Variants in HSDL2 observed in about 807,000 individuals in gnomAD.
HSDL2 encodes the protein hydroxysteroid dehydrogenase-like protein 2.
HSDL2 carries 27 observed loss-of-function variants against 46.3 expected under a neutral mutation model. The observed-to-expected ratio is 0.58, with a 90% CI of 0.43 to 0.80. The LOEUF is 0.80. Ranked by LOEUF, HSDL2 falls within the 30% of genes least tolerant of loss-of-function variation. HSDL2 has a pLI of 0.00. For missense variants in HSDL2, 451 were observed against 502.7 expected, an observed-to-expected ratio of 0.90 and a Z score of 0.98; for synonymous variants, 153 against 163.6, an observed-to-expected ratio of 0.94 and a Z score of 0.50.
intron 10 of HSDL2, among the ~76,000 whole-genome samples, chr9:112,466,851 T>C (rs950700357): frequency 1.2e-4 from 18 of 152,222 alleles, no homozygotes; most frequent in African/African-American, 3.9e-4. Context: ...TTAATTTTTG[T>C]AGATGGTAGG....
chr9:112,436,990 C>T (rs554946512), intron 6 of HSDL2, among the ~76,000 whole-genome samples: 2 of 122,132 alleles, frequency 1.6e-5, no homozygotes, highest in African/African-American at 6.3e-5. Context: ...GACGGAGTCT[C>T]GCTCTGTCAC....
intron 10 of HSDL2, 76 bp from the exon 11 acceptor site, chr9:112,470,356 C>T: frequency 1.2e-6 from 1 of 807,738 alleles, no homozygotes; most frequent in Non-Finnish European, 2.0e-6. Context: ...ATTCTTTTTA[C>T]AATGCGTGTT....
At chr9:112,414,587 A>G (rs1348754932) in intron 4 of HSDL2, among the ~76,000 whole-genome samples, 1 of 126,934 alleles carries the variant, frequency 7.9e-6, no homozygotes, top group Non-Finnish European at 1.7e-5. Flanking sequence ...GTCTTGTCCC[A>G]TAGATCAAAG....
intron 8 of HSDL2, among the ~76,000 whole-genome samples, chr9:112,446,473 T>G (rs4979117): frequency 0.96 from 145,392 of 152,134 alleles, 69,536 homozygotes; most frequent in African/African-American, 0.98. Context: ...CTACAAAAAA[T>G]TTTTAACAAT....
intron 7 of HSDL2, among the ~76,000 whole-genome samples, chr9:112,440,837 A>G (rs1017054000): frequency 2.6e-5 from 4 of 152,014 alleles, no homozygotes; most frequent in African/African-American, 7.2e-5. Flanking sequence ...GTGAAACTCT[A>G]TCTCTACTAA....
chr9:112,436,960 C>CTTTTTTTTTTTTTTTTTTTT (rs780957603), intron 6 of HSDL2, among the ~76,000 whole-genome samples: 27 of 126,778 alleles, frequency 2.1e-4, no homozygotes, highest in Non-Finnish European at 2.9e-4. Context: ...TTCTTTTTTT[C>CTTTTTTTTTTTTTTTTTTTT]TTTTTTTTTT....
At chr9:112,402,007 T>C (rs926485341) in intron 1 of HSDL2, among the ~76,000 whole-genome samples, 1 of 152,194 alleles carries the variant, frequency 6.6e-6, no homozygotes, top group African/African-American at 2.4e-5. Flanking sequence ...TTCTGGAGTG[T>C]AATCCTCTGG....
chr9:112,409,034 G>T lies in HSDL2; in HGVS notation c.395+13G>T. On this transcript the variant is annotated intron_variant, in intron 4 of 10. Coordinates refer to ENST00000398805, the MANE Select transcript of HSDL2 (RefSeq NM_032303.5). ...GCACCTACCTTGCGTAAGTTTGCAA[G>T]AAGAGTTGTTGGGGAGGAAGTTGCG... 1 of 1,462,142 alleles carries T rather than the reference G, an allele frequency of 6.8e-7. No individual in the cohort carries two copies. Among genetic ancestry groups the T allele is most frequent in the Non-Finnish European group, 9.5e-7 (1 of 1,048,798 alleles). The allele number at this position is 1,462,142 out of a possible 1,614,324, so 90.6% of individuals were successfully genotyped here.
intron 1 of HSDL2, among the ~76,000 whole-genome samples, chr9:112,395,266 C>G (rs764547677): frequency 6.6e-6 from 1 of 152,150 alleles, no homozygotes; most frequent in Non-Finnish European, 1.5e-5. Context: ...ACAGATCTCA[C>G]CAGGTATGAG....
At chr9:112,405,122 C>T (rs1328543991) in intron 2 of HSDL2, among the ~76,000 whole-genome samples, 1 of 152,140 alleles carries the variant, frequency 6.6e-6, no homozygotes. Flanking sequence ...GAGGCCAAGG[C>T]GGGTGGATCA....
At chr9:112,433,281 G>T (rs963895887) in intron 6 of HSDL2, among the ~76,000 whole-genome samples, 6 of 152,174 alleles carry the variant, frequency 3.9e-5, no homozygotes, top group Admixed American at 2.0e-4. Flanking sequence ...GGAACTACAA[G>T]GTTGGTGTAT....
intron 8 of HSDL2, among the ~76,000 whole-genome samples, chr9:112,443,740 G>A (rs560134389): frequency 5.3e-5 from 8 of 152,138 alleles, no homozygotes; most frequent in East Asian, 1.9e-4. Context: ...AAATAAATAC[G>A]TAAATTAGCA....
In HSDL2 at chr9:112,418,840, A is replaced by T; in HGVS notation, c.500-20A>T. 7.5e-7 allele frequency: 1 copy of T among 1,341,008 alleles called. No individual in the cohort carries two copies. Among genetic ancestry groups the T allele is most frequent in the Non-Finnish European group, 1.0e-6 (1 of 968,910 alleles). 83.1% of individuals were successfully genotyped at this position (1,341,008 alleles called of 1,614,324 possible). On this transcript the variant is annotated intron_variant, in intron 5 of 10. Coordinates refer to ENST00000398805, the MANE Select transcript of HSDL2 (RefSeq NM_032303.5). ...TAATTTCTTTTATAATTAAATTATT[A>T]TTTTTTGTGGTTCTTTCAGCTTATA...
At chr9:112,413,998 CA>C in intron 4 of HSDL2, 1 of 225,112 alleles carries the variant, frequency 4.4e-6, no homozygotes, top group South Asian at 5.2e-5. Flanking sequence ...CAGAGGAGAA[CA>C]AAGGAAGGAG....
intron 1 of HSDL2, among the ~76,000 whole-genome samples, chr9:112,395,154 T>G (rs775775358): frequency 1.3e-5 from 2 of 152,050 alleles, no homozygotes; most frequent in African/African-American, 2.4e-5. Context: ...AAAAGAAAGG[T>G]AATTAGGAGA....
chr9:112,393,853 T>G (rs1367604808), intron 1 of HSDL2, among the ~76,000 whole-genome samples: 1 of 152,212 alleles, frequency 6.6e-6, no homozygotes. Flanking sequence ...TCATCCAAAT[T>G]TTGATATTTC....
chr9:112,409,174 AT>A (rs1254881180), intron 4 of HSDL2, among the ~76,000 whole-genome samples, 153 bp downstream of exon 4: 1 of 152,022 alleles, frequency 6.6e-6, no homozygotes, highest in East Asian at 1.9e-4. Context: ...AGTCAATAGT[AT>A]TTTATTTTAT....
rs972958711 is a variant in HSDL2 at position 112,472,023 on chromosome 9, C to G, written c.*1479C>G. Reference sequence around the variant, plus strand: ...AACAAGCCCTCTAACAAAAACTTTACAATACATTTATGTTGAATGGAACTC... The same window carrying G: ...AACAAGCCCTCTAACAAAAACTTTAGAATACATTTATGTTGAATGGAACTC... On this transcript the variant is annotated 3_prime_UTR_variant, in exon 11 of 11. Transcript: ENST00000398805. 1.3e-5 allele frequency: 2 copies of G among 152,188 alleles called. No homozygotes were observed. Among genetic ancestry groups the G allele is most frequent in the African/African-American group, 4.8e-5 (2 of 41,438 alleles). 9.4% of individuals were successfully genotyped at this position (152,188 alleles called of 1,614,324 possible). A position where few individuals can be genotyped will look rare whatever the true frequency, so the allele number is the denominator to read the frequency against.
intron 8 of HSDL2, among the ~76,000 whole-genome samples, chr9:112,450,253 G>GCCC (rs1832850525): frequency 7.6e-5 from 1 of 13,178 alleles, no homozygotes; most frequent in African/African-American, 6.8e-4. Flanking sequence ...AACATAGCGA[G>GCCC]ACCCCCCCCC....
Sources: allele counts gnomAD v4.1 joint callset (sites outside exome capture counted in the v4.1 genomes callset), GRCh38; gene constraint gnomAD v4.1.1; transcripts MANE v1.5; gene names NCBI Gene and HGNC (gene_info 2026-07-23, HGNC 2026-07-21).